RABGAP1L: variants seen among roughly 807,000 people sequenced by gnomAD.
RABGAP1L encodes the protein rab GTPase-activating protein 1-like.
A neutral mutation model predicts 137.7 loss-of-function variants in RABGAP1L; 63 were observed. That is an observed-to-expected ratio of 0.46 (90% CI 0.37 to 0.56). RABGAP1L has a LOEUF of 0.56. Ranked by LOEUF, RABGAP1L falls within the 20% of genes least tolerant of loss-of-function variation. RABGAP1L has a pLI of 0.00. For synonymous variants in RABGAP1L, 431 were observed against 433.7 expected (o/e 0.99, Z 0.08); for missense variants, 1,095 against 1,244.0 (o/e 0.88, Z 1.80).
At chr1:174,984,158 C>A (rs1486515127) in intron 24 of RABGAP1L, among the ~76,000 whole-genome samples, 1 of 151,774 alleles carries the variant, frequency 6.6e-6, no homozygotes, top group Non-Finnish European at 1.5e-5. Context: ...GTTAACCCAT[C>A]CTCTAAGTTC....
intron 18 of RABGAP1L, among the ~76,000 whole-genome samples, chr1:174,787,744 T>C (rs919773113): frequency 2.6e-5 from 4 of 152,130 alleles, no homozygotes; most frequent in Non-Finnish European, 5.9e-5. Flanking sequence ...AAGACTGAAA[T>C]GTGAAGGTAC....
intron 13 of RABGAP1L, among the ~76,000 whole-genome samples, chr1:174,616,547 G>T (rs1671895652): frequency 6.6e-6 from 1 of 152,098 alleles, no homozygotes; most frequent in South Asian, 2.1e-4. Context: ...ATCAAATGGG[G>T]GTATTCAGAC....
chr1:174,619,782 G>C (rs4515855), intron 13 of RABGAP1L, among the ~76,000 whole-genome samples: 12,226 of 150,384 alleles, frequency 0.081, 673 homozygotes, highest in East Asian at 0.32. Flanking sequence ...CAAATTCACA[G>C]ATAACAATAT....
chr1:174,416,355 C>T (rs1482683057), intron 13 of RABGAP1L, among the ~76,000 whole-genome samples: 2 of 151,964 alleles, frequency 1.3e-5, no homozygotes, highest in Non-Finnish European at 2.9e-5. Context: ...GCTACTTGGA[C>T]TCCATCTTGT....
chr1:174,679,308 T>C (rs1170974465), intron 14 of RABGAP1L, among the ~76,000 whole-genome samples: 3 of 152,172 alleles, frequency 2.0e-5, no homozygotes. Context: ...TTAGTCAGCC[T>C]AGGAAATCCA....
intron 17 of RABGAP1L, among the ~76,000 whole-genome samples, chr1:174,746,689 A>G (rs538659516): frequency 1.3e-5 from 2 of 152,290 alleles, no homozygotes; most frequent in East Asian, 3.9e-4. Flanking sequence ...CTCTAACTTA[A>G]TTGTTTAGAG....
intron 19 of RABGAP1L, among the ~76,000 whole-genome samples, chr1:174,907,005 A>C (rs771990423): frequency 1.3e-5 from 2 of 152,130 alleles, no homozygotes; most frequent in African/African-American, 2.4e-5. Flanking sequence ...TGAATCATTC[A>C]CCACCACCGG....
Position 174,370,463 on chromosome 1 carries a change from CTTTTTTTT to C in RABGAP1L, c.1466-499_1466-492del, listed in dbSNP as rs1183875194. Among the ~76,000 whole-genome samples, 70 of 37,874 alleles carry C rather than the reference CTTTTTTTT, an allele frequency of 1.8e-3. 1 individual carries two copies. The highest frequency in any genetic ancestry group is 1.4e-3 in the Non-Finnish European group (30 of 22,066). The allele number at this position is 37,874 out of a possible 152,430, so 24.8% of individuals were successfully genotyped here. On this transcript the variant is annotated intron_variant, in intron 11 of 25. Transcript: ENST00000681986. Reference sequence around the variant, plus strand: ...TCAATTTTCCTTTAGTTAAAAATACCTTTTTTTTTTTTTTTTTTTTTTTTACAAATACA... The same window carrying C: ...TCAATTTTCCTTTAGTTAAAAATACCTTTTTTTTTTTTTTTTACAAATACA...
At chr1:174,208,764 TCA>T (rs1341432700) in intron 1 of RABGAP1L, among the ~76,000 whole-genome samples, 1 of 152,246 alleles carries the variant, frequency 6.6e-6, no homozygotes, top group Non-Finnish European at 1.5e-5. Context: ...AGTGCTGATC[TCA>T]CAGAATGAGT....
intron 12 of RABGAP1L, among the ~76,000 whole-genome samples, chr1:174,373,281 G>C (rs1685255556): frequency 6.6e-6 from 1 of 152,154 alleles, no homozygotes; most frequent in Non-Finnish European, 1.5e-5. Flanking sequence ...GAAACAGGAA[G>C]CATGCTAAAC....
rs373431916 is a variant in RABGAP1L, at chr1:174,510,979, C to T, written c.1710+116834C>T. On this transcript the variant is annotated intron_variant, in intron 13 of 25. Transcript: ENST00000681986. ...AATGACCAAAACTTTAGGCAAGAAG[C>T]AAAAGCAGAATCATGATGAAAATGT... Among the ~76,000 whole-genome samples, 3 of 152,078 alleles carry T rather than the reference C, an allele frequency of 2.0e-5. No homozygotes were observed. In the South Asian group the frequency reaches 6.2e-4, roughly 32 times the overall value.
At chr1:174,759,300 AAAAAG>A (rs1315350782) in intron 18 of RABGAP1L, among the ~76,000 whole-genome samples, 1 of 151,544 alleles carries the variant, frequency 6.6e-6, no homozygotes, top group Non-Finnish European at 1.5e-5. Flanking sequence ...AAAAAAAAAA[AAAAAG>A]AAGTTTCAGC....
intron 5 of RABGAP1L, among the ~76,000 whole-genome samples, chr1:174,243,471 C>T (rs945737221): frequency 1.3e-5 from 2 of 152,104 alleles, no homozygotes; most frequent in Non-Finnish European, 2.9e-5. Context: ...AGGAGAAATA[C>T]ATGACAGTGG....
chr1:174,834,484 A>T (rs1046604009), intron 19 of RABGAP1L, among the ~76,000 whole-genome samples: 4 of 150,904 alleles, frequency 2.7e-5, no homozygotes, highest in African/African-American at 9.7e-5. Flanking sequence ...GGCATTTGCC[A>T]ATCCCTCGTG....
chr1:174,394,190 TAAATA>T, intron 13 of RABGAP1L, 45 bp downstream of exon 13: 1 of 1,585,200 alleles, frequency 6.3e-7, no homozygotes, highest in Non-Finnish European at 8.6e-7. Context: ...GATGACCTAT[TAAATA>T]AATCCTAGTT....
At chr1:174,871,528 G>A (rs1652193057) in intron 19 of RABGAP1L, among the ~76,000 whole-genome samples, 1 of 152,168 alleles carries the variant, frequency 6.6e-6, no homozygotes, top group Non-Finnish European at 1.5e-5. Flanking sequence ...TTAACCAAGT[G>A]CCCTGCTGTA....
chr1:174,532,919 G>A (rs1572199643), intron 13 of RABGAP1L, among the ~76,000 whole-genome samples: 1 of 152,130 alleles, frequency 6.6e-6, no homozygotes, highest in Non-Finnish European at 1.5e-5. Context: ...AAATATCCAT[G>A]TATCCACAAC....
intron 19 of RABGAP1L, among the ~76,000 whole-genome samples, chr1:174,819,725 AATG>A (rs1690825526): frequency 6.6e-6 from 1 of 152,220 alleles, no homozygotes; most frequent in Non-Finnish European, 1.5e-5. Flanking sequence ...TACTTCAGAG[AATG>A]ATGACAGTTG....
At chr1:174,657,140 T>G (rs1191794494) in intron 14 of RABGAP1L, among the ~76,000 whole-genome samples, 1 of 152,164 alleles carries the variant, frequency 6.6e-6, no homozygotes, top group Non-Finnish European at 1.5e-5. Context: ...TTGCCACAAT[T>G]TTTTATTGTG....
Sources: gnomAD v4.1 joint callset for allele counts (sites outside exome capture counted in the v4.1 genomes callset) on GRCh38, gnomAD v4.1.1 for gene constraint, MANE v1.5 for transcripts, NCBI Gene and HGNC (gene_info 2026-07-23, HGNC 2026-07-21) for gene names.